UNC5C: variants seen among roughly 807,000 people sequenced by gnomAD.
UNC5C encodes netrin receptor UNC5C.
A neutral mutation model predicts 99.8 loss-of-function variants in UNC5C; 47 were observed. That is an observed-to-expected ratio of 0.47 (90% CI 0.37 to 0.60). The LOEUF is 0.60. UNC5C is among the 20% of genes least tolerant of loss of function. The pLI, the probability that UNC5C is intolerant of heterozygous loss-of-function variation, is 0.00. For missense variants in UNC5C, 1,062 were observed against 1,165.9 expected (o/e 0.91, Z 1.30); for synonymous variants, 487 against 452.2 (o/e 1.08, Z -0.98).
chr4:95,516,485 C>G (rs1002567755), intron 1 of UNC5C, among the ~76,000 whole-genome samples: 3 of 152,172 alleles, frequency 2.0e-5, no homozygotes, highest in Admixed American at 6.5e-5. Flanking sequence ...GCTGGGCTGA[C>G]TTTTCAGATT....
chr4:95,320,848 G>C (rs571472035), intron 2 of UNC5C, among the ~76,000 whole-genome samples: 1 of 152,280 alleles, frequency 6.6e-6, no homozygotes, highest in Middle Eastern at 3.4e-3. Context: ...ATTAATCAGT[G>C]CTTTCATCTT....
chr4:95,410,011 G>C (rs553640995), intron 1 of UNC5C, among the ~76,000 whole-genome samples: 15 of 152,140 alleles, frequency 9.9e-5, no homozygotes, highest in Non-Finnish European at 1.6e-4. Context: ...CCCTCTTATA[G>C]TAGATGATCA....
intron 1 of UNC5C, among the ~76,000 whole-genome samples, chr4:95,475,368 T>G (rs1748111016): frequency 6.6e-6 from 1 of 151,912 alleles, no homozygotes; most frequent in Non-Finnish European, 1.5e-5. Flanking sequence ...TGCTTCAATT[T>G]CCCAATTTAC....
chr4:95,307,153 T>C (rs1007663038), intron 2 of UNC5C, among the ~76,000 whole-genome samples: 1 of 152,066 alleles, frequency 6.6e-6, no homozygotes, highest in African/African-American at 2.4e-5. Context: ...AATCAAGACT[T>C]CATGTGTTAC....
At chr4:95,450,316 C>T (rs1020501545) in intron 1 of UNC5C, among the ~76,000 whole-genome samples, 10 of 152,318 alleles carry the variant, frequency 6.6e-5, no homozygotes, top group Non-Finnish European at 1.5e-4. Flanking sequence ...AGCTCCTGGG[C>T]TCAAGTGATC....
intron 1 of UNC5C, among the ~76,000 whole-genome samples, chr4:95,453,779 G>A (rs1747351543): frequency 6.6e-6 from 1 of 152,190 alleles, no homozygotes; most frequent in East Asian, 1.9e-4. Context: ...GAGATCAGAA[G>A]GCTGCTTATG....
chr4:95,278,183 C>A, intron 4 of UNC5C, 76 bp downstream of exon 4: 1 of 1,206,258 alleles, frequency 8.3e-7, no homozygotes, highest in East Asian at 2.3e-5. Flanking sequence ...ATTCACTGCA[C>A]CATTAGCCAT....
chr4:95,279,407 C>G (rs1359411486), intron 3 of UNC5C, among the ~76,000 whole-genome samples: 2 of 152,070 alleles, frequency 1.3e-5, no homozygotes, highest in Non-Finnish European at 2.9e-5. Flanking sequence ...ATGTTAGAAG[C>G]CAGTTTGTCA....
chr4:95,299,789 G>C (rs1741804763), intron 3 of UNC5C, among the ~76,000 whole-genome samples: 1 of 152,188 alleles, frequency 6.6e-6, no homozygotes, highest in South Asian at 2.1e-4. Context: ...CCACCCCCAT[G>C]ATTCAGTTAA....
intron 1 of UNC5C, among the ~76,000 whole-genome samples, chr4:95,481,197 C>T (rs1296145017): frequency 6.6e-6 from 1 of 152,046 alleles, no homozygotes; most frequent in East Asian, 1.9e-4. Flanking sequence ...AAATCACAAG[C>T]ATTCTTATAC....
intron 1 of UNC5C, among the ~76,000 whole-genome samples, chr4:95,488,408 G>A (rs546573249): frequency 6.6e-6 from 1 of 151,804 alleles, no homozygotes; most frequent in African/African-American, 2.4e-5. Context: ...CAATAGTCCA[G>A]CTCTCCGTAG....
chr4:95,409,909 C>T (rs1745931083), intron 1 of UNC5C, among the ~76,000 whole-genome samples: 1 of 152,056 alleles, frequency 6.6e-6, no homozygotes, highest in Admixed American at 6.5e-5. Flanking sequence ...CTAGGGCTGG[C>T]CTGACATCAA....
intron 1 of UNC5C, among the ~76,000 whole-genome samples, chr4:95,367,930 C>T (rs1300353292): frequency 6.6e-6 from 1 of 152,086 alleles, no homozygotes; most frequent in Non-Finnish European, 1.5e-5. Context: ...AATTATTTTA[C>T]ATTATCTTCC....
chr4:95,247,946 TAAG>T (rs1354048476), intron 5 of UNC5C: 4 of 152,324 alleles, frequency 2.6e-5, no homozygotes, highest in Admixed American at 6.5e-5. Context: ...TAAAAAGAGA[TAAG>T]AAGAAGAAAA....
chr4:95,245,690 A>T (rs976740768), intron 5 of UNC5C, among the ~76,000 whole-genome samples: 2 of 152,198 alleles, frequency 1.3e-5, no homozygotes, highest in African/African-American at 4.8e-5. Context: ...AAACAAATTG[A>T]CTGGCTATTT....
chr4:95,331,588 G>T (rs1007811602), intron 2 of UNC5C, among the ~76,000 whole-genome samples: 2 of 152,052 alleles, frequency 1.3e-5, no homozygotes, highest in Non-Finnish European at 2.9e-5. Context: ...CAGGAGAACT[G>T]AGAAAGTACT....
At chr4:95,542,178 T>C (rs1338689958) in intron 1 of UNC5C, among the ~76,000 whole-genome samples, 1 of 152,084 alleles carries the variant, frequency 6.6e-6, no homozygotes, top group African/African-American at 2.4e-5. Context: ...TTAATATGAT[T>C]ATTGTGAGCC....
chr4:95,308,118 T>C (rs1181653938), intron 2 of UNC5C, among the ~76,000 whole-genome samples: 1 of 152,158 alleles, frequency 6.6e-6, no homozygotes, highest in Non-Finnish European at 1.5e-5. Flanking sequence ...GATGGATCAA[T>C]TATGCAAGAG....
intron 1 of UNC5C, among the ~76,000 whole-genome samples, chr4:95,364,580 G>A (rs901535838): frequency 6.6e-6 from 1 of 152,172 alleles, no homozygotes; most frequent in Non-Finnish European, 1.5e-5. Flanking sequence ...CTGGTTTTAC[G>A]GAGAAGGCAG....
Sources: gnomAD v4.1 joint callset for allele counts (sites outside exome capture counted in the v4.1 genomes callset) on GRCh38, gnomAD v4.1.1 for gene constraint, MANE v1.5 for transcripts, NCBI Gene and HGNC (gene_info 2026-07-23, HGNC 2026-07-21) for gene names.